Variants in MRPS28 observed in about 807,000 individuals in gnomAD.
The protein encoded by MRPS28 is small ribosomal subunit protein bS1m.
Under a neutral mutation model 10.8 loss-of-function variants are expected in MRPS28, and 7 were observed. That is an observed-to-expected ratio of 0.65 (90% CI 0.37 to 1.22). The LOEUF (loss-of-function observed/expected upper bound fraction) is 1.22, where lower values mean the gene tolerates loss of function less well. Ranked by LOEUF, MRPS28 falls within the 50% of genes most tolerant of loss-of-function variation. The pLI is 0.02. For missense variants in MRPS28, 265 were observed against 232.9 expected (o/e 1.14, Z -0.90); for synonymous variants, 121 against 93.3 (o/e 1.30, Z -1.71).
chr8:79,982,367 C>G (rs1002832796), intron 2 of MRPS28, among the ~76,000 whole-genome samples: 9 of 152,236 alleles, frequency 5.9e-5, no homozygotes, highest in Non-Finnish European at 1.2e-4. Flanking sequence ...GCATTTCCAT[C>G]TGAGGTACTG....
intron 2 of MRPS28, among the ~76,000 whole-genome samples, chr8:79,947,629 G>GTTTTTTTTTTTTTTT (rs767221360): frequency 9.2e-6 from 1 of 109,222 alleles, no homozygotes; most frequent in Non-Finnish European, 1.8e-5. Flanking sequence ...AATATATTAA[G>GTTTTTTTTTTTTTTT]TTTTTTTTTT....
chr8:79,938,691 C>T (rs1405218795), intron 2 of MRPS28, among the ~76,000 whole-genome samples: 2 of 152,072 alleles, frequency 1.3e-5, no homozygotes, highest in African/African-American at 4.8e-5. Flanking sequence ...ACCAAATGTT[C>T]CACAGAAGAG....
At chr8:79,954,263 T>G (rs1807149442) in intron 2 of MRPS28, among the ~76,000 whole-genome samples, 1 of 152,182 alleles carries the variant, frequency 6.6e-6, no homozygotes, top group South Asian at 2.1e-4. Flanking sequence ...AAATATAGCC[T>G]CTTTGGAAAA....
At chr8:80,029,745 G>A in intron 1 of MRPS28, 1 of 1,464,830 alleles carries the variant, frequency 6.8e-7, no homozygotes, top group Non-Finnish European at 9.1e-7. Flanking sequence ...CCCCAGCAGC[G>A]CTCCCCGCTG....
At chr8:79,969,034 AAC>A (rs1807567355) in intron 2 of MRPS28, among the ~76,000 whole-genome samples, 1 of 152,208 alleles carries the variant, frequency 6.6e-6, no homozygotes, top group Non-Finnish European at 1.5e-5. Flanking sequence ...ATGTACAAAA[AAC>A]AGTTGCTCAG....
intron 2 of MRPS28, among the ~76,000 whole-genome samples, chr8:80,000,235 C>T (rs964779760): frequency 1.3e-5 from 2 of 152,196 alleles, no homozygotes; most frequent in African/African-American, 2.4e-5. Flanking sequence ...TGATGATCCT[C>T]ATTCATGAAT....
At chr8:79,929,057 A>AAAAAC (rs1251405438) in intron 2 of MRPS28, among the ~76,000 whole-genome samples, 4 of 152,168 alleles carry the variant, frequency 2.6e-5, no homozygotes, top group African/African-American at 7.2e-5. Context: ...CAAACAAACA[A>AAAAAC]AAAACAAAAC....
chr8:80,012,679 C>T (rs558025542), intron 1 of MRPS28, among the ~76,000 whole-genome samples: 1 of 152,202 alleles, frequency 6.6e-6, no homozygotes, highest in Admixed American at 6.5e-5. Context: ...TGCTATTCTG[C>T]TGTACTATTT....
chr8:80,014,514 A>G (rs1322564957), intron 1 of MRPS28, among the ~76,000 whole-genome samples: 1 of 152,238 alleles, frequency 6.6e-6, no homozygotes, highest in Non-Finnish European at 1.5e-5. Flanking sequence ...GTCTGGCCAC[A>G]TGGCTTGAAC....
chr8:80,018,491 C>T (rs1809263933), intron 1 of MRPS28, among the ~76,000 whole-genome samples: 1 of 152,088 alleles, frequency 6.6e-6, no homozygotes, highest in African/African-American at 2.4e-5. Context: ...GTAATACATG[C>T]TGATGAGGAT....
chr8:79,988,087 C>T (rs978245989), intron 2 of MRPS28, among the ~76,000 whole-genome samples: 17 of 151,814 alleles, frequency 1.1e-4, no homozygotes, highest in Non-Finnish European at 2.1e-4. Context: ...GAATACTATG[C>T]AGCCATAAAA....
At chr8:80,016,401 G>GT (rs1809195654) in intron 1 of MRPS28, among the ~76,000 whole-genome samples, 1 of 150,134 alleles carries the variant, frequency 6.7e-6, no homozygotes, top group Non-Finnish European at 1.5e-5. Context: ...TATCTAAAGT[G>GT]TTAAGAGGAA....
At chr8:79,952,538 C>A (rs1048942797) in intron 2 of MRPS28, among the ~76,000 whole-genome samples, 1 of 152,114 alleles carries the variant, frequency 6.6e-6, no homozygotes, top group East Asian at 1.9e-4. Flanking sequence ...AAAACCTATG[C>A]CCCTCAAATG....
intron 2 of MRPS28, among the ~76,000 whole-genome samples, chr8:79,965,029 T>C (rs1807469549): frequency 6.6e-6 from 1 of 152,154 alleles, no homozygotes; most frequent in Non-Finnish European, 1.5e-5. Context: ...GGATGCTGTA[T>C]ATGTGACATA....
intron 2 of MRPS28, among the ~76,000 whole-genome samples, chr8:79,970,886 A>G (rs1807613738): frequency 1.3e-5 from 2 of 152,352 alleles, no homozygotes; most frequent in African/African-American, 4.8e-5. Flanking sequence ...TTATAAAGAA[A>G]TAACTAAAGC....
At chr8:80,008,042 C>T (rs1430191080) in intron 1 of MRPS28, among the ~76,000 whole-genome samples, 1 of 152,160 alleles carries the variant, frequency 6.6e-6, no homozygotes, top group African/African-American at 2.4e-5. Context: ...GCTACAGTAA[C>T]CAAAATAGCA....
intron 2 of MRPS28, among the ~76,000 whole-genome samples, chr8:79,960,474 G>A (rs997435484): frequency 6.6e-6 from 1 of 152,062 alleles, no homozygotes; most frequent in African/African-American, 2.4e-5. Context: ...CCAAAGATAT[G>A]TGTACCAGAC....
intron 1 of MRPS28, among the ~76,000 whole-genome samples, chr8:80,024,193 C>T (rs141545447): frequency 2.0e-5 from 3 of 151,642 alleles, no homozygotes; most frequent in African/African-American, 7.3e-5. Context: ...TGCACCACTG[C>T]ACCCCAGCCT....
At chr8:79,996,927 A>T (rs1211566145) in intron 2 of MRPS28, among the ~76,000 whole-genome samples, 1 of 152,196 alleles carries the variant, frequency 6.6e-6, no homozygotes, top group African/African-American at 2.4e-5. Context: ...TGCTTTGTTA[A>T]TCCCTAGTTG....
Sources: allele counts gnomAD v4.1 joint callset (sites outside exome capture counted in the v4.1 genomes callset), GRCh38; gene constraint gnomAD v4.1.1; transcripts MANE v1.5; gene names NCBI Gene and HGNC (gene_info 2026-07-23, HGNC 2026-07-21).